ZBTB8A: variants seen among roughly 807,000 people sequenced by gnomAD.
The protein encoded by ZBTB8A is zinc finger and BTB domain containing 8A, also known as zinc finger and BTB domain-containing protein 8A.
A neutral mutation model predicts 37.8 loss-of-function variants in ZBTB8A; 19 were observed. The observed-to-expected ratio is 0.50, with a 90% CI of 0.35 to 0.74. The LOEUF (loss-of-function observed/expected upper bound fraction) is 0.74. Among genes scored for constraint, ZBTB8A ranks in the 30% least tolerant of loss-of-function variants. ZBTB8A has a pLI of 0.01. For missense variants in ZBTB8A, 394 were observed against 537.8 expected (o/e 0.73, Z 2.65); for synonymous variants, 181 against 185.2 (o/e 0.98, Z 0.19).
intron 2 of ZBTB8A, among the ~76,000 whole-genome samples, chr1:32,592,685 T>G (rs1473115710): frequency 6.6e-6 from 1 of 152,050 alleles, no homozygotes; most frequent in Non-Finnish European, 1.5e-5. Context: ...TTTTGTATTT[T>G]TGGTAGAGAC....
chr1:32,573,560 A>G (rs981214419), intron 2 of ZBTB8A, among the ~76,000 whole-genome samples: 4 of 149,950 alleles, frequency 2.7e-5, no homozygotes, highest in Non-Finnish European at 5.9e-5. Flanking sequence ...AGATACCCAA[A>G]TAGCTGGGAC....
chr1:32,547,828 C>CAAAAAAAA (rs1194254576), intron 1 of ZBTB8A, among the ~76,000 whole-genome samples: 5 of 30,468 alleles, frequency 1.6e-4, no homozygotes, highest in Admixed American at 4.2e-4. Context: ...ACAAACAAAG[C>CAAAAAAAA]AAAAAAAAAA....
chr1:32,600,654 G>T lies in ZBTB8A; in HGVS notation c.*235G>T. ...ACTAGCTTGAGTTGGCTTGATGGAT[G>T]AACAATTATCCTCTTACTTTCATTA... On this transcript the variant is annotated 3_prime_UTR_variant, in exon 5 of 5. Coordinates refer to ENST00000373510, the MANE Select transcript of ZBTB8A (RefSeq NM_001040441.3). 1 of 451,660 alleles carries T rather than the reference G, an allele frequency of 2.2e-6. No homozygotes were observed. The highest frequency in any genetic ancestry group is 3.9e-6 in the Non-Finnish European group (1 of 253,612). 28.0% of individuals were successfully genotyped at this position (451,660 alleles called of 1,614,324 possible). A position where few individuals can be genotyped will look rare whatever the true frequency, so the allele number is the denominator to read the frequency against.
rs1644613730 is a variant in ZBTB8A, at chr1:32,605,797, C to T, written c.*5378C>T. ...AATATAATGATCACATTTTCTGAAT[C>T]CTAGACCATCAGCCTAATTCACTGA... On this transcript the variant is annotated 3_prime_UTR_variant, in exon 5 of 5. Coordinates refer to ENST00000373510, the MANE Select transcript of ZBTB8A (RefSeq NM_001040441.3). The T allele has an allele frequency of 6.6e-6, 1 of 151,136 alleles. No homozygotes were observed. Among genetic ancestry groups the T allele is most frequent in the East Asian group, 1.9e-4 (1 of 5,176 alleles). 9.4% of individuals were successfully genotyped at this position (151,136 alleles called of 1,614,324 possible).
chr1:32,544,964 C>A (rs948297016), intron 1 of ZBTB8A, among the ~76,000 whole-genome samples: 2 of 152,068 alleles, frequency 1.3e-5, no homozygotes, highest in Non-Finnish European at 2.9e-5. Context: ...TATAAACATT[C>A]GTGTATCAGT....
At chr1:32,560,406 G>C (rs898737939) in intron 2 of ZBTB8A, among the ~76,000 whole-genome samples, 2 of 152,090 alleles carry the variant, frequency 1.3e-5, no homozygotes, top group Non-Finnish European at 2.9e-5. Flanking sequence ...TCAGCCTTCA[G>C]AACTGTAATA....
chr1:32,565,686 C>T (rs1244972836), intron 2 of ZBTB8A, among the ~76,000 whole-genome samples: 1 of 152,000 alleles, frequency 6.6e-6, no homozygotes, highest in Non-Finnish European at 1.5e-5. Context: ...AAATAAATAG[C>T]TGTTCTTTAT....
intron 1 of ZBTB8A, among the ~76,000 whole-genome samples, chr1:32,552,742 T>C (rs1472471176): frequency 1.3e-5 from 2 of 151,756 alleles, no homozygotes; most frequent in Non-Finnish European, 2.9e-5. Flanking sequence ...AAATCTCTTA[T>C]AAACTTTAAT....
intron 1 of ZBTB8A, among the ~76,000 whole-genome samples, chr1:32,547,671 T>C (rs1404329375): frequency 6.9e-6 from 1 of 145,830 alleles, no homozygotes; most frequent in African/African-American, 2.5e-5. Context: ...AAATGGTTTC[T>C]CAAGAATAAT....
At chr1:32,581,702 G>A (rs900032362) in intron 2 of ZBTB8A, among the ~76,000 whole-genome samples, 2 of 152,026 alleles carry the variant, frequency 1.3e-5, no homozygotes, top group Non-Finnish European at 2.9e-5. Context: ...ACACTGATAC[G>A]AAGAAATACC....
chr1:32,575,913 A>C (rs1644356460), intron 2 of ZBTB8A, among the ~76,000 whole-genome samples: 1 of 152,084 alleles, frequency 6.6e-6, no homozygotes, highest in South Asian at 2.1e-4. Context: ...CATCTCCACT[A>C]TTGGCTTATT....
intron 2 of ZBTB8A, among the ~76,000 whole-genome samples, chr1:32,564,496 C>A (rs939689692): frequency 8.5e-5 from 13 of 152,128 alleles, no homozygotes; most frequent in African/African-American, 3.1e-4. Flanking sequence ...CAGAATTATT[C>A]TTTAAAAGCA....
At position 32,593,303 on chromosome 1, in the gene ZBTB8A, T is replaced by C; in HGVS notation, c.372T>C (p.Ile124=). ...CKTFIKSSLD[I]SEKEKDRYFS... The stretch of plus-strand genomic sequence containing the variant: ...CTTTTATTAAATCTTCCTTAGACAT[T>C]AGTGAGAAAGAAAAAGATCGCTATT... Residue 124 remains isoleucine (I), a synonymous_variant, in exon 3 of 5, where the codon ATT becomes ATC. Transcript: ENST00000373510. The C allele has an allele frequency of 6.2e-7, 1 of 1,614,194 alleles. No individual in the cohort carries two copies. Among genetic ancestry groups the C allele is most frequent in the Non-Finnish European group, 8.5e-7 (1 of 1,180,044 alleles).
chr1:32,598,016 A>G (rs1420661077), intron 4 of ZBTB8A, among the ~76,000 whole-genome samples: 1 of 151,840 alleles, frequency 6.6e-6, no homozygotes, highest in Non-Finnish European at 1.5e-5. Context: ...CACTTCCCAA[A>G]GTGCTGGGAT....
chr1:32,586,274 T>C lies in ZBTB8A; in HGVS notation c.-1-6657T>C, dbSNP rs535082171. 1.3e-3 allele frequency among the ~76,000 whole-genome samples: 204 copies of C among 151,754 alleles called. 4 individuals are homozygous for C. The highest frequency in any genetic ancestry group is 4.5e-3 in the African/African-American group (186 of 41,314). ...GCAGAGGCTGTGGTGAACCGAGATC[T>C]CGCCATTGCATTCCAGCCTGGGCAG... On this transcript the variant is annotated intron_variant, in intron 2 of 4. Coordinates refer to ENST00000373510, the MANE Select transcript of ZBTB8A (RefSeq NM_001040441.3).
intron 2 of ZBTB8A, among the ~76,000 whole-genome samples, chr1:32,557,309 A>G (rs1393282425): frequency 6.6e-6 from 1 of 152,120 alleles, no homozygotes; most frequent in African/African-American, 2.4e-5. Context: ...TCTCAAAAAG[A>G]TGATGTGAGA....
chr1:32,587,851 A>C (rs563359258), intron 2 of ZBTB8A, among the ~76,000 whole-genome samples: 2 of 151,790 alleles, frequency 1.3e-5, no homozygotes, highest in East Asian at 3.9e-4. Context: ...CTTTCAGCCC[A>C]CCCCCCAGCC....
intron 1 of ZBTB8A, among the ~76,000 whole-genome samples, chr1:32,545,753 C>T (rs1467381424): frequency 6.6e-6 from 1 of 152,196 alleles, no homozygotes; most frequent in Non-Finnish European, 1.5e-5. Context: ...TTGGTGCTCT[C>T]TCTGGCTAGA....
intron 2 of ZBTB8A, among the ~76,000 whole-genome samples, chr1:32,571,506 T>G (rs1215293940): frequency 2.6e-5 from 4 of 152,196 alleles, no homozygotes; most frequent in African/African-American, 7.2e-5. Context: ...AATTTTCAAC[T>G]GTTAAACATC....
Sources: gnomAD v4.1 joint callset for allele counts (sites outside exome capture counted in the v4.1 genomes callset) on GRCh38, gnomAD v4.1.1 for gene constraint, MANE v1.5 for transcripts, NCBI Gene and HGNC (gene_info 2026-07-23, HGNC 2026-07-21) for gene names.